DOCK1: variants seen among roughly 807,000 people sequenced by gnomAD.
DOCK1 encodes the protein dedicator of cytokinesis protein 1.
DOCK1 carries 138 observed loss-of-function variants against 262.7 expected under a neutral mutation model. That is an observed-to-expected ratio of 0.53 (90% CI 0.46 to 0.61). DOCK1 has a LOEUF of 0.61. Among genes scored for constraint, DOCK1 ranks in the 20% least tolerant of loss-of-function variants. The probability of loss-of-function intolerance (pLI) is 0.00; values close to 1 mark genes in which losing one functional copy is unlikely to be tolerated. For missense variants in DOCK1, 1,908 were observed against 2,370.7 expected, an observed-to-expected ratio of 0.80 and a Z score of 4.05; for synonymous variants, 866 against 867.4, an observed-to-expected ratio of 1.00 and a Z score of 0.03.
rs1379197338 is a variant in DOCK1 at position 126,941,306 on chromosome 10, C to G, written c.47-29396C>G. ...GATGCTATACTGTGTAAAGAAACCT[C>G]TAAAAACCAGTTTAAAAAGATTGTT... is the stretch of plus-strand genomic sequence containing the variant. On this transcript the variant is annotated intron_variant, in intron 1 of 51. Coordinates refer to ENST00000623213, the MANE Select transcript of DOCK1 (RefSeq NM_001290223.2). 3.3e-5 allele frequency among the ~76,000 whole-genome samples: 5 copies of G among 152,238 alleles called. No individual in the cohort carries two copies. In the East Asian group the frequency reaches 9.7e-4, roughly 29 times the overall value.
At chr10:127,121,991 T>C (rs2049612754) in intron 25 of DOCK1, among the ~76,000 whole-genome samples, 1 of 152,242 alleles carries the variant, frequency 6.6e-6, no homozygotes, top group Non-Finnish European at 1.5e-5. Flanking sequence ...GGAAGGCTTC[T>C]GCTCTTATGG....
At chr10:127,429,335 C>T (rs956598895) in intron 47 of DOCK1, among the ~76,000 whole-genome samples, 1 of 152,094 alleles carries the variant, frequency 6.6e-6, no homozygotes, top group South Asian at 2.1e-4. Context: ...CTGCAAGCAT[C>T]CTTTGAGAGT....
At chr10:127,050,837 A>C (rs2135723085) in intron 21 of DOCK1, among the ~76,000 whole-genome samples, 1 of 152,328 alleles carries the variant, frequency 6.6e-6, no homozygotes, top group Non-Finnish European at 1.5e-5. Context: ...ATATATTTCT[A>C]GATTTTAAAA....
intron 3 of DOCK1, among the ~76,000 whole-genome samples, chr10:126,979,421 T>G (rs1232478793): frequency 6.6e-6 from 1 of 152,174 alleles, no homozygotes; most frequent in Non-Finnish European, 1.5e-5. Context: ...AGTTGAAACC[T>G]TTAGTAATAA....
rs918160400 is a variant in DOCK1 at position 126,913,989 on chromosome 10, C to T, written c.46+8426C>T. Among the ~76,000 whole-genome samples the T allele has an allele frequency of 4.9e-4, 74 of 152,208 alleles. 1 individual carries two copies. Among genetic ancestry groups the T allele is most frequent in the Admixed American group, 4.8e-3 (73 of 15,276 alleles). On this transcript the variant is annotated intron_variant, in intron 1 of 51. Transcript: ENST00000623213. The stretch of plus-strand genomic sequence containing the variant: ...GAGAAAGAGATAACCTAGCCCAAAC[C>T]GGGCCCATGGTCTGTGCTTGATAAT...
chr10:127,327,787 C>G (rs762410039), intron 29 of DOCK1, among the ~76,000 whole-genome samples: 33 of 152,158 alleles, frequency 2.2e-4, no homozygotes, highest in Non-Finnish European at 4.3e-4. Flanking sequence ...TCCTTCTTCT[C>G]AAGACCTCAA....
intron 27 of DOCK1, among the ~76,000 whole-genome samples, chr10:127,245,138 A>G (rs879489020): frequency 1.1e-4 from 17 of 152,130 alleles, no homozygotes; most frequent in African/African-American, 3.4e-4. Flanking sequence ...TATCTGCAGT[A>G]TTTGCCCAAA....
At chr10:127,424,139 A>G (rs764275426) in intron 46 of DOCK1, among the ~76,000 whole-genome samples, 2 of 152,154 alleles carry the variant, frequency 1.3e-5, no homozygotes, top group Non-Finnish European at 2.9e-5. Flanking sequence ...ATCTTCTTTC[A>G]TTTAGAATCA....
At chr10:127,351,826 G>GC (rs1386092779) in intron 31 of DOCK1, among the ~76,000 whole-genome samples, 1 of 152,020 alleles carries the variant, frequency 6.6e-6, no homozygotes, top group East Asian at 1.9e-4. Flanking sequence ...ATTCATCAAA[G>GC]CTCCCTTCTT....
chr10:127,155,973 CAGG>C (rs1203112501), intron 27 of DOCK1, among the ~76,000 whole-genome samples: 1 of 152,152 alleles, frequency 6.6e-6, no homozygotes, highest in Non-Finnish European at 1.5e-5. Context: ...AGCCAGCAGT[CAGG>C]AGAAAGTACC....
intron 1 of DOCK1, among the ~76,000 whole-genome samples, chr10:126,949,112 C>T (rs2035932474): frequency 2.0e-5 from 3 of 152,064 alleles, no homozygotes; most frequent in Non-Finnish European, 2.9e-5. Context: ...TGCATCCTGC[C>T]CTTGCTGCCT....
chr10:126,981,658 G>A (rs1025713075), intron 3 of DOCK1, among the ~76,000 whole-genome samples: 3 of 152,216 alleles, frequency 2.0e-5, no homozygotes, highest in African/African-American at 7.2e-5. Flanking sequence ...GGAGCAGCCT[G>A]CAAATTGCCT....
At chr10:127,217,397 C>G (rs59711232) in intron 27 of DOCK1, among the ~76,000 whole-genome samples, 1,671 of 152,294 alleles carry the variant, frequency 0.011, 29 homozygotes, top group African/African-American at 0.038. Context: ...TTACTGGAAA[C>G]CAAATTGACA....
intron 27 of DOCK1, among the ~76,000 whole-genome samples, chr10:127,168,705 G>T (rs570995881): frequency 7.2e-4 from 109 of 152,310 alleles, no homozygotes; most frequent in African/African-American, 2.5e-3. Flanking sequence ...ATTGGGATGG[G>T]ATCACCTCAC....
intron 1 of DOCK1, among the ~76,000 whole-genome samples, chr10:126,939,529 T>C (rs1475338106): frequency 1.1e-4 from 17 of 152,214 alleles, no homozygotes; most frequent in Non-Finnish European, 4.4e-5. Context: ...GTTTTTACTT[T>C]AACTTAAAGT....
At chr10:127,156,268 A>G (rs1564848980) in intron 27 of DOCK1, among the ~76,000 whole-genome samples, 3 of 152,170 alleles carry the variant, frequency 2.0e-5, no homozygotes, top group Non-Finnish European at 4.4e-5. Flanking sequence ...ACAGAGGAGC[A>G]TACAGTCACA....
intron 5 of DOCK1, among the ~76,000 whole-genome samples, chr10:126,989,549 A>C (rs931756165): frequency 6.6e-6 from 1 of 151,798 alleles, no homozygotes; most frequent in African/African-American, 2.4e-5. Context: ...CTGATCTCCA[A>C]CTCCTGGACT....
intron 27 of DOCK1, among the ~76,000 whole-genome samples, chr10:127,241,342 T>C (rs974043870): frequency 6.6e-6 from 1 of 152,062 alleles, no homozygotes; most frequent in African/African-American, 2.4e-5. Flanking sequence ...ATAATAATTA[T>C]TATTATTGTA....
chr10:126,975,907 C>A (rs918599574), intron 2 of DOCK1, among the ~76,000 whole-genome samples: 18 of 152,234 alleles, frequency 1.2e-4, no homozygotes, highest in African/African-American at 4.1e-4. Flanking sequence ...GAGTAAGCCA[C>A]CACTCTTGGC....
Sources: allele counts gnomAD v4.1 joint callset (sites outside exome capture counted in the v4.1 genomes callset), GRCh38; gene constraint gnomAD v4.1.1; transcripts MANE v1.5; gene names NCBI Gene and HGNC (gene_info 2026-07-23, HGNC 2026-07-21).